The following CCDC106 variants were observed in gnomAD, a reference collection of about 807,000 sequenced individuals.
CCDC106 encodes coiled-coil domain-containing protein 106.
In CCDC106, 17 loss-of-function variants were observed where a neutral mutation model predicts 24.7. The observed-to-expected ratio is 0.69, with a 90% CI of 0.47 to 1.03. The LOEUF (loss-of-function observed/expected upper bound fraction) is 1.03, where lower values mean the gene tolerates loss of function less well. Among genes scored for constraint, CCDC106 ranks in the 50% least tolerant of loss-of-function variants. The pLI is 0.00. For missense variants in CCDC106, 337 were observed against 388.9 expected (o/e 0.87, Z 1.12); for synonymous variants, 211 against 161.3 (o/e 1.31, Z -2.34).
At position 55,652,935 on chromosome 19, in the gene CCDC106, T is replaced by G; in HGVS notation, c.*189T>G. ...CCCCTTCCCGAACGCCGGCACCCCC[T>G]TCCGCTTGGGCTGCCCAGCCCTGTC... On this transcript the variant is annotated 3_prime_UTR_variant, in exon 5 of 5. Transcript: ENST00000586790. This position sits in a 1 kb window ranked among gnomAD's most constrained non-coding sequence, Gnocchi z 5.9. The G allele has an allele frequency of 1.7e-6, 1 of 571,860 alleles. No homozygotes were observed. The highest frequency in any genetic ancestry group is 3.1e-6 in the Non-Finnish European group (1 of 323,894). The allele number at this position is 571,860 out of a possible 1,614,324, so 35.4% of individuals were successfully genotyped here.
Position 55,648,457 on chromosome 19 carries a change from C to T in CCDC106, c.-590C>T, listed in dbSNP as rs1266723493. On this transcript the variant is annotated 5_prime_UTR_variant, in exon 1 of 5. Coordinates refer to ENST00000586790, the MANE Select transcript of CCDC106 (RefSeq NM_001370470.1). ...GGGGGGGCGCACCCCCACGCGTGAC[C>T]TTTCCCCGTACTGCGCACGCGCCCA... 2 of 153,490 alleles carry T rather than the reference C, an allele frequency of 1.3e-5. No individual in the cohort carries two copies. The highest frequency in any genetic ancestry group is 2.9e-5 in the Non-Finnish European group (2 of 68,982). 9.5% of individuals were successfully genotyped at this position (153,490 alleles called of 1,614,324 possible).
chr19:55,652,805 G>T lies in CCDC106; in HGVS notation c.*59G>T. On this transcript the variant is annotated 3_prime_UTR_variant, in exon 5 of 5. Coordinates refer to ENST00000586790, the MANE Select transcript of CCDC106 (RefSeq NM_001370470.1). The surrounding 1 kb of genome is among the most constrained non-coding windows in gnomAD (Gnocchi z 5.9). Reference sequence around the variant, plus strand: ...TCCTCCCCCGTGGACCCCGGTGGATGACCTGCCCCTCTCCCCGCCGCGCCC... The same window carrying T: ...TCCTCCCCCGTGGACCCCGGTGGATTACCTGCCCCTCTCCCCGCCGCGCCC... 1 of 1,427,568 alleles carries T rather than the reference G, an allele frequency of 7.0e-7. No homozygotes were observed. The allele number at this position is 1,427,568 out of a possible 1,614,324, so 88.4% of individuals were successfully genotyped here. A position where few individuals can be genotyped will look rare whatever the true frequency, so the allele number is the denominator to read the frequency against.
In CCDC106 at chr19:55,649,400, G is replaced by A; in HGVS notation, c.137-8G>A. On this transcript the variant is annotated splice_polypyrimidine_tract_variant and splice_region_variant and intron_variant, in intron 2 of 4. Coordinates refer to ENST00000586790, the MANE Select transcript of CCDC106 (RefSeq NM_001370470.1). ...GACCTGGTCCCCCCACCCTCGCTGTGTCCCTAGAGCCTCCGGAGGCTGCGT... is the reference window on the plus strand; with the variant it reads ...GACCTGGTCCCCCCACCCTCGCTGTATCCCTAGAGCCTCCGGAGGCTGCGT... The A allele has an allele frequency of 6.2e-7, 1 of 1,613,956 alleles. No homozygotes were observed. The highest frequency in any genetic ancestry group is 8.5e-7 in the Non-Finnish European group (1 of 1,179,918).
intron 4 of CCDC106, among the ~76,000 whole-genome samples, chr19:55,651,903 C>G (rs756471373): frequency 4.6e-5 from 7 of 152,274 alleles, no homozygotes; most frequent in Non-Finnish European, 8.8e-5. Context: ...CCCTCGTGAT[C>G]CACCTGCCTC....
rs1983358420 is a variant in CCDC106, at chr19:55,652,314, G to A, written c.527-116G>A. On this transcript the variant is annotated intron_variant, in intron 4 of 4. Coordinates refer to ENST00000586790, the MANE Select transcript of CCDC106 (RefSeq NM_001370470.1). This position sits in a 1 kb window ranked among gnomAD's most constrained non-coding sequence, Gnocchi z 5.9. ...TTGTTCTCCGTCTCCACCTGCACCG[G>A]CCCGTGCCTCTGCTCGCCGAGATCC... The A allele has an allele frequency of 3.6e-6, 3 of 842,690 alleles. No individual in the cohort carries two copies. The highest frequency in any genetic ancestry group is 5.6e-6 in the Non-Finnish European group (3 of 535,324). The allele number at this position is 842,690 out of a possible 1,614,324, so 52.2% of individuals were successfully genotyped here. A position where few individuals can be genotyped will look rare whatever the true frequency, so the allele number is the denominator to read the frequency against.
chr19:55,648,080 C>A (rs1482367245), upstream of CCDC106: 1 of 152,280 alleles, frequency 6.6e-6, no homozygotes, highest in Admixed American at 6.5e-5. Flanking sequence ...ACGAGGGGCG[C>A]TAGCCTGGCC....
rs1983453153 is a variant in CCDC106 at position 55,653,072 on chromosome 19, GATT to G, written c.*327_*329del. The G allele has an allele frequency of 3.3e-6, 1 of 300,488 alleles. No homozygotes were observed. The highest frequency in any genetic ancestry group is 6.8e-5 in the East Asian group (1 of 14,648). The allele number at this position is 300,488 out of a possible 1,614,324, so 18.6% of individuals were successfully genotyped here. On this transcript the variant is annotated 3_prime_UTR_variant, in exon 5 of 5. Transcript: ENST00000586790. ...GGCCCCGCGGAGGAGCTGCCCACCT[GATT>G]CCCGGACAGACCTCCCCAACTCCGC... is the stretch of plus-strand genomic sequence containing the variant.
At chr19:55,650,899 C>T (rs117611791) in intron 3 of CCDC106, among the ~76,000 whole-genome samples, 8 of 152,274 alleles carry the variant, frequency 5.3e-5, no homozygotes, top group South Asian at 2.1e-4. Flanking sequence ...TCTGACCCCC[C>T]GACTCCAGCC....
At chr19:55,647,997 G>A (rs1169864832), upstream of CCDC106, 1 of 152,178 alleles carries the variant, frequency 6.6e-6, no homozygotes, top group African/African-American at 2.4e-5. Flanking sequence ...TGCTGTAAGG[G>A]GCTATCGCGC....
In CCDC106 at chr19:55,652,444, G is replaced by C; in HGVS notation, c.541G>C (p.Gly181Arg). 2 of 1,600,194 alleles carry C rather than the reference G, an allele frequency of 1.2e-6. No individual in the cohort carries two copies. Among genetic ancestry groups the C allele is most frequent in the Non-Finnish European group, 1.7e-6 (2 of 1,170,236 alleles). Residue 181 changes from glycine to arginine, a missense_variant, in exon 5 of 5, where the codon GGG becomes CGG. This residue lies in a region of CCDC106 where 103 missense variants were observed against 152.4 expected (regional missense o/e 0.68). Coordinates refer to ENST00000586790, the MANE Select transcript of CCDC106 (RefSeq NM_001370470.1). The surrounding 1 kb of genome is among the most constrained non-coding windows in gnomAD (Gnocchi z 5.9). ...CCACCCCTCAGTGAAGGACGCCGAC[G>C]GGGTCCTCTGCCGGTACAAGAAGAT... is the stretch of plus-strand genomic sequence containing the variant. ...RERQRVKDAD[G>R]VLCRYKKILG...
rs766955392 is a variant in CCDC106 at position 55,649,020 on chromosome 19, C to T, written c.-27C>T. Reference sequence around the variant, plus strand: ...TGTCCAGTGCCCCTGAGGCCCTCGGCTGCTGGGGTCCGTAGGAAGCCGCGC... The same window carrying T: ...TGTCCAGTGCCCCTGAGGCCCTCGGTTGCTGGGGTCCGTAGGAAGCCGCGC... On this transcript the variant is annotated 5_prime_UTR_variant, in exon 1 of 5. Coordinates refer to ENST00000586790, the MANE Select transcript of CCDC106 (RefSeq NM_001370470.1). 7 of 1,612,170 alleles carry T rather than the reference C, an allele frequency of 4.3e-6. No homozygotes were observed. Among genetic ancestry groups the T allele is most frequent in the Non-Finnish European group, 5.9e-6 (7 of 1,179,652 alleles).
chr19:55,649,720 G>C, intron 3 of CCDC106, 136 bp downstream of exon 3: 1 of 788,360 alleles, frequency 1.3e-6, no homozygotes, highest in Non-Finnish European at 2.0e-6. Flanking sequence ...TCCCCTGCCT[G>C]TTTTGGGCCC....
Position 55,649,467 on chromosome 19 carries a change from C to T in CCDC106, c.196C>T (p.His66Tyr), listed in dbSNP as rs1337102899. 2 of 1,614,020 alleles carry T rather than the reference C, an allele frequency of 1.2e-6. No individual in the cohort carries two copies. The highest frequency in any genetic ancestry group is 8.5e-7 in the Non-Finnish European group (1 of 1,180,004). ...ALMNSVKTQL[H>Y]MALERNSWLQ... ...GATGAACAGCGTCAAGACCCAGCTG[C>T]ACATGGCTCTGGAGAGGAACTCCTG... Residue 66 changes from histidine (H) to tyrosine (Y), a missense_variant, in exon 3 of 5, where the codon CAC becomes TAC. Physicochemically the swap from His to Tyr is moderately conservative, Grantham distance 83 (BLOSUM62 2). Around this residue, in one of 2 missense-constraint regions of CCDC106, gnomAD observed 234 missense variants for 236.5 expected, o/e 0.99. Transcript: ENST00000586790.
Position 55,652,464 on chromosome 19 carries a change from G to A in CCDC106, c.561G>A (p.Lys187=). The A allele has an allele frequency of 6.2e-7, 1 of 1,608,902 alleles. No homozygotes were observed. Among genetic ancestry groups the A allele is most frequent in the Non-Finnish European group, 8.5e-7 (1 of 1,176,584 alleles). Residue 187 remains lysine (K), a synonymous_variant, in exon 5 of 5, where the codon AAG becomes AAA. Coordinates refer to ENST00000586790, the MANE Select transcript of CCDC106 (RefSeq NM_001370470.1). This position sits in a 1 kb window ranked among gnomAD's most constrained non-coding sequence, Gnocchi z 5.9. ...CCGACGGGGTCCTCTGCCGGTACAAGAAGATCCTGGGCACCTTCCAGAAGC... is the reference window on the plus strand; with the variant it reads ...CCGACGGGGTCCTCTGCCGGTACAAAAAGATCCTGGGCACCTTCCAGAAGC... ...KDADGVLCRY[K]KILGTFQKLK... is the part of the protein sequence containing the mutation.
Position 55,649,000 on chromosome 19 carries a change from A to G in CCDC106, c.-47A>G. ...CCATTTGTGGCTGCCGTTTCTGTCC[A>G]GTGCCCCTGAGGCCCTCGGCTGCTG... On this transcript the variant is annotated 5_prime_UTR_variant, in exon 1 of 5. Transcript: ENST00000586790. The G allele has an allele frequency of 1.2e-6, 2 of 1,600,284 alleles. No individual in the cohort carries two copies. Among genetic ancestry groups the G allele is most frequent in the South Asian group, 2.2e-5 (2 of 90,770 alleles).
chr19:55,651,584 C>G (rs982327307), intron 4 of CCDC106, 89 bp downstream of exon 4: 1 of 903,432 alleles, frequency 1.1e-6, no homozygotes, highest in African/African-American at 1.7e-5. Flanking sequence ...TCTCTCCAAG[C>G]CCCTCCAGCC....
In CCDC106 at chr19:55,652,719, G is replaced by A. The variant is rs777923950; in HGVS notation, c.816G>A (p.Leu272=). ...VQALKKSKLL[L]PITYRFKR Reference sequence around the variant, plus strand: ...CGCTCAAGAAGAGCAAGCTGCTGCTGCCCATCACCTACCGCTTCAAGCGGT... The same window carrying A: ...CGCTCAAGAAGAGCAAGCTGCTGCTACCCATCACCTACCGCTTCAAGCGGT... Residue 272 remains leucine, a synonymous_variant, in exon 5 of 5, where the codon CTG becomes CTA. Coordinates refer to ENST00000586790, the MANE Select transcript of CCDC106 (RefSeq NM_001370470.1). This position sits in a 1 kb window ranked among gnomAD's most constrained non-coding sequence, Gnocchi z 5.9. 2.2e-5 allele frequency: 35 copies of A among 1,612,282 alleles called. No individual in the cohort carries two copies. The highest frequency in any genetic ancestry group is 1.6e-4 in the African/African-American group (12 of 74,886).
At position 55,649,793 on chromosome 19, in the gene CCDC106, C is replaced by T. The variant is rs1983121245; in HGVS notation, c.313+209C>T. The T allele has an allele frequency of 8.6e-6, 5 of 578,266 alleles. No homozygotes were observed. The East Asian group carries it at 8.7e-5, about 10-fold the overall frequency. 35.8% of individuals were successfully genotyped at this position (578,266 alleles called of 1,614,324 possible). On this transcript the variant is annotated intron_variant, in intron 3 of 4. Coordinates refer to ENST00000586790, the MANE Select transcript of CCDC106 (RefSeq NM_001370470.1). ...CATCCCCATGAACTGTCTACTGGGG[C>T]CCGTCCTCCTGCCTTCTCCGTCAGC...
chr19:55,651,531 C>T (rs531305936), intron 4 of CCDC106, 36 bp downstream of exon 4: 10 of 1,397,118 alleles, frequency 7.2e-6, no homozygotes, highest in Admixed American at 7.1e-5. Context: ...CTGAGGGGCC[C>T]GGGCTGCTGA....
Sources: allele counts gnomAD v4.1 joint callset (sites outside exome capture counted in the v4.1 genomes callset), GRCh38; gene constraint gnomAD v4.1.1; regional missense constraint gnomAD v4.1.1; non-coding constraint Gnocchi (gnomAD v3.1); transcripts MANE v1.5; gene names NCBI Gene and HGNC (gene_info 2026-07-23, HGNC 2026-07-21).